The following WWC1 variants were observed in gnomAD, a reference collection of about 807,000 sequenced individuals.
The protein encoded by WWC1 is protein KIBRA.
Under a neutral mutation model 138.4 loss-of-function variants are expected in WWC1, and 55 were observed. That is an observed-to-expected ratio of 0.40 (90% confidence interval 0.32 to 0.50). The LOEUF is 0.50. Ranked by LOEUF, WWC1 falls within the 20% of genes least tolerant of loss-of-function variation. The pLI is 0.72. For synonymous variants in WWC1, 524 were observed against 564.9 expected (o/e 0.93, Z 1.03); for missense variants, 1,226 against 1,420.4 (o/e 0.86, Z 2.20).
At chr5:168,373,989 T>A (rs911001339) in intron 2 of WWC1, among the ~76,000 whole-genome samples, 2 of 137,444 alleles carry the variant, frequency 1.5e-5, no homozygotes, top group South Asian at 2.2e-4. Flanking sequence ...GAGCTTGCAG[T>A]GAGCCGAGAT....
At chr5:168,350,164 C>A (rs1774825938) in intron 1 of WWC1, among the ~76,000 whole-genome samples, 1 of 152,198 alleles carries the variant, frequency 6.6e-6, no homozygotes, top group African/African-American at 2.4e-5. Context: ...TTTCTCTCCT[C>A]CTGACTCTGC....
At chr5:168,375,155 G>T (rs1266977019) in intron 2 of WWC1, among the ~76,000 whole-genome samples, 1 of 152,118 alleles carries the variant, frequency 6.6e-6, no homozygotes, top group African/African-American at 2.4e-5. Flanking sequence ...TTTGAGAGTT[G>T]CTGGCATATA....
intron 13 of WWC1, among the ~76,000 whole-genome samples, 196 bp downstream of exon 13, chr5:168,428,983 T>G (rs1781733160): frequency 1.3e-5 from 2 of 152,022 alleles, no homozygotes; most frequent in Admixed American, 1.3e-4. Flanking sequence ...GCTTTACAGA[T>G]AGGAGAAATG....
chr5:168,451,012 T>TTTTA (rs1490038069), intron 17 of WWC1, among the ~76,000 whole-genome samples: 1 of 152,092 alleles, frequency 6.6e-6, no homozygotes, highest in Non-Finnish European at 1.5e-5. Flanking sequence ...TTTATTTTTA[T>TTTTA]TTTATTTATT....
At chr5:168,381,521 G>A (rs1045530603) in intron 2 of WWC1, among the ~76,000 whole-genome samples, 1 of 152,186 alleles carries the variant, frequency 6.6e-6, no homozygotes, top group Non-Finnish European at 1.5e-5. Flanking sequence ...TATTTGGGGA[G>A]CTTTGTAAAT....
chr5:168,363,951 T>C (rs1776089815), intron 1 of WWC1, among the ~76,000 whole-genome samples: 1 of 152,136 alleles, frequency 6.6e-6, no homozygotes, highest in Non-Finnish European at 1.5e-5. Context: ...ATGGTGGTGA[T>C]GATAGCTCAC....
intron 11 of WWC1, among the ~76,000 whole-genome samples, chr5:168,426,476 G>T (rs942288078): frequency 2.8e-4 from 42 of 152,312 alleles, no homozygotes; most frequent in African/African-American, 9.4e-4. Context: ...GTCTCGGGAT[G>T]GCATTTCCTT....
chr5:168,401,053 A>G (rs559010313), intron 5 of WWC1, among the ~76,000 whole-genome samples: 1 of 151,716 alleles, frequency 6.6e-6, no homozygotes, highest in African/African-American at 2.4e-5. Context: ...AGAGAAAGCA[A>G]GCCCTGCAGT....
chr5:168,443,268 T>C (rs1754956531), intron 16 of WWC1, among the ~76,000 whole-genome samples: 1 of 152,184 alleles, frequency 6.6e-6, no homozygotes, highest in African/African-American at 2.4e-5. Flanking sequence ...AAATTAAGTC[T>C]ATTTTCTTTG....
intron 17 of WWC1, among the ~76,000 whole-genome samples, chr5:168,451,082 AATCTCGGCTCACTG>A (rs1755769802): frequency 4.0e-5 from 3 of 74,580 alleles, no homozygotes; most frequent in African/African-American, 6.7e-5. Context: ...GGCTCACTGC[AATCTCGGCTCACTG>A]CAATCTCCAC....
intron 9 of WWC1, among the ~76,000 whole-genome samples, chr5:168,418,827 T>C (rs1780863536): frequency 1.3e-5 from 2 of 151,724 alleles, no homozygotes. Flanking sequence ...GTCAAGAGAT[T>C]CCACAGCCTT....
chr5:168,403,078 CTTT>C (rs753687432), intron 5 of WWC1, among the ~76,000 whole-genome samples: 8 of 70,828 alleles, frequency 1.1e-4, no homozygotes, highest in East Asian at 4.2e-4. Flanking sequence ...TTCTTTCTTT[CTTT>C]TCTTTCTTTT....
At chr5:168,381,762 T>A (rs560311519) in intron 2 of WWC1, among the ~76,000 whole-genome samples, 1 of 150,516 alleles carries the variant, frequency 6.6e-6, no homozygotes, top group Non-Finnish European at 1.5e-5. Context: ...CAGGCTTTTT[T>A]TTTTTTTTTG....
At chr5:168,373,719 TAAAAAAAAAAAAAAAAA>T (rs368930085) in intron 2 of WWC1, among the ~76,000 whole-genome samples, 8 of 52,646 alleles carry the variant, frequency 1.5e-4, no homozygotes, top group East Asian at 1.1e-3. Context: ...CCTTGTCTCT[TAAAAAAAAAAAAAAAAA>T]AAAAAAAAAA....
At chr5:168,410,938 T>A (rs1290579025) in intron 8 of WWC1, among the ~76,000 whole-genome samples, 1 of 146,260 alleles carries the variant, frequency 6.8e-6, no homozygotes, top group East Asian at 2.0e-4. Flanking sequence ...TTGCTTTTTT[T>A]TTTTTTTTTT....
chr5:168,464,484 AG>A (rs1757080368), intron 20 of WWC1, among the ~76,000 whole-genome samples: 2 of 152,110 alleles, frequency 1.3e-5, no homozygotes, highest in African/African-American at 4.8e-5. Context: ...GGGACCTCCT[AG>A]GTTTGTGAAA....
At chr5:168,451,275 G>A (rs1755793578) in intron 17 of WWC1, among the ~76,000 whole-genome samples, 1 of 152,094 alleles carries the variant, frequency 6.6e-6, no homozygotes, top group Admixed American at 6.6e-5. Context: ...ACCCACCTCG[G>A]CCTCCCAAAC....
intron 1 of WWC1, among the ~76,000 whole-genome samples, chr5:168,343,437 G>A (rs577935882): frequency 6.3e-4 from 96 of 152,274 alleles, no homozygotes; most frequent in Middle Eastern, 6.8e-3. Flanking sequence ...CAGAGCTCAG[G>A]TTGGCTGGAC....
At chr5:168,438,308 G>GCTGATT (rs1754427015) in intron 15 of WWC1, among the ~76,000 whole-genome samples, 1 of 152,122 alleles carries the variant, frequency 6.6e-6, no homozygotes, top group Non-Finnish European at 1.5e-5. Context: ...AATCATGGGG[G>GCTGATT]CTGTTACCCC....
Sources: gnomAD v4.1 joint callset for allele counts (sites outside exome capture counted in the v4.1 genomes callset) on GRCh38, gnomAD v4.1.1 for gene constraint, MANE v1.5 for transcripts, NCBI Gene and HGNC (gene_info 2026-07-23, HGNC 2026-07-21) for gene names.